The following MID1 variants were observed in gnomAD, a reference collection of about 807,000 sequenced individuals.
MID1 encodes the protein E3 ubiquitin-protein ligase Midline-1.
A neutral mutation model predicts 40.4 loss-of-function variants in MID1; 7 were observed. That is an observed-to-expected ratio of 0.17 (90% CI 0.10 to 0.33). The LOEUF is 0.33. Ranked by LOEUF, MID1 falls within the 10% of genes least tolerant of loss-of-function variation. The pLI, the probability that MID1 is intolerant of heterozygous loss-of-function variation, is 1.00. For missense variants in MID1, 367 were observed against 558.5 expected, an observed-to-expected ratio of 0.66 and a Z score of 3.46; for synonymous variants, 229 against 221.2, an observed-to-expected ratio of 1.04 and a Z score of -0.31.
At chrX:10,659,303 A>G (rs1343172522) in intron 1 of MID1, among the ~76,000 whole-genome samples, 4 of 111,805 alleles carry the variant, frequency 3.6e-5, no homozygotes, top group Non-Finnish European at 7.5e-5. Flanking sequence ...AGTCAGGTGC[A>G]CAGATTCAGA....
intron 3 of MID1, among the ~76,000 whole-genome samples, chrX:10,499,213 T>C (rs903888710): frequency 8.9e-6 from 1 of 112,165 alleles, no homozygotes; most frequent in African/African-American, 3.2e-5. Context: ...TGACCATCTT[T>C]TTCGTGAACT....
At chrX:10,692,653 T>G (rs1394499701) in intron 1 of MID1, among the ~76,000 whole-genome samples, 2 of 111,837 alleles carry the variant, frequency 1.8e-5, no homozygotes, top group Non-Finnish European at 3.8e-5. Context: ...CTTTACATTC[T>G]TTTTTTGTAG....
intron 5 of MID1, among the ~76,000 whole-genome samples, chrX:10,480,473 G>A (rs1357340745): frequency 8.9e-6 from 1 of 112,297 alleles, no homozygotes; most frequent in Admixed American, 9.4e-5. Context: ...CATTTCATCT[G>A]GACATCTCAA....
upstream of MID1, among the ~76,000 whole-genome samples, chrX:10,622,984 C>T (rs1366213866): frequency 9.3e-6 from 1 of 107,907 alleles, no homozygotes; most frequent in African/African-American, 3.4e-5. Context: ...TGGCTCACAC[C>T]TGTAATCCTA....
chrX:10,762,688 G>A (rs746976902), intron 1 of MID1, among the ~76,000 whole-genome samples: 7 of 111,161 alleles, frequency 6.3e-5, no homozygotes, highest in African/African-American at 2.3e-4. Context: ...GCCCGCCTTG[G>A]CCTCCCAAAG....
At chrX:10,774,484 C>T (rs968877018) in intron 1 of MID1, among the ~76,000 whole-genome samples, 3 of 110,066 alleles carry the variant, frequency 2.7e-5, no homozygotes, top group Middle Eastern at 4.7e-3. Context: ...TAACCCTATG[C>T]TTGACAGATA....
At chrX:10,518,238 T>A (rs1465755280) in intron 3 of MID1, among the ~76,000 whole-genome samples, 1 of 111,976 alleles carries the variant, frequency 8.9e-6, no homozygotes, top group Non-Finnish European at 1.9e-5. Flanking sequence ...CACGAGAGCA[T>A]ATTCCATGAA....
intron 1 of MID1, among the ~76,000 whole-genome samples, chrX:10,780,102 A>T (rs1020067310): frequency 9.1e-6 from 1 of 110,082 alleles, no homozygotes; most frequent in Non-Finnish European, 1.9e-5. Context: ...AGTAGCTGAG[A>T]CTACAGGTGC....
At chrX:10,705,433 T>C (rs1395077353) in intron 1 of MID1, among the ~76,000 whole-genome samples, 1 of 112,127 alleles carries the variant, frequency 8.9e-6, no homozygotes, top group Non-Finnish European at 1.9e-5. Flanking sequence ...GGTTGCTTGA[T>C]ATCTCTAAAA....
At chrX:10,680,149 T>A (rs1027016305) in intron 1 of MID1, among the ~76,000 whole-genome samples, 2 of 112,320 alleles carry the variant, frequency 1.8e-5, no homozygotes, top group Non-Finnish European at 3.8e-5. Flanking sequence ...TATCTGCTCA[T>A]CTGACAACAC....
rs1233692170 is a variant in MID1, at chrX:10,704,739, T to TATATATATATATAC, written c.-186-84321_-186-84320insGTATATATATATAT. Among the ~76,000 whole-genome samples, 391 of 82,159 alleles carry TATATATATATATAC rather than the reference T, an allele frequency of 4.8e-3. 3 individuals are homozygous for TATATATATATATAC. The highest frequency in any genetic ancestry group is 0.019 in the African/African-American group (365 of 18,893). 71.3% of individuals were successfully genotyped at this position (82,159 alleles called of 115,157 possible). A position where few individuals can be genotyped will look rare whatever the true frequency, so the allele number is the denominator to read the frequency against. ...GTGTATATATATATATATATATATA[T>TATATATATATATAC]ACACACACACACACACACACACACA... On this transcript the variant is annotated intron_variant, in intron 1 of 10. Transcript: ENST00000380785.
intron 1 of MID1, among the ~76,000 whole-genome samples, chrX:10,734,763 A>T (rs1194879503): frequency 8.9e-6 from 1 of 111,819 alleles, no homozygotes; most frequent in Non-Finnish European, 1.9e-5. Flanking sequence ...GGACACAAAG[A>T]AAGTTTTCTG....
intron 1 of MID1, among the ~76,000 whole-genome samples, chrX:10,827,301 T>C (rs958436869): frequency 3.6e-5 from 4 of 111,273 alleles, no homozygotes; most frequent in Admixed American, 1.9e-4. Context: ...TGAACTCTCT[T>C]GATCATAGTA....
chrX:10,701,944 G>A (rs2043196350), intron 1 of MID1, among the ~76,000 whole-genome samples: 1 of 112,593 alleles, frequency 8.9e-6, no homozygotes, highest in African/African-American at 3.2e-5. Context: ...GAAATATTCT[G>A]CCAGAAGTAC....
At chrX:10,496,022 T>C (rs1931230799) in intron 3 of MID1, among the ~76,000 whole-genome samples, 1 of 112,036 alleles carries the variant, frequency 8.9e-6, no homozygotes, top group Admixed American at 9.5e-5. Flanking sequence ...CCTACTTTTA[T>C]ATTTTTAAAA....
At chrX:10,742,777 G>A (rs2043532308) in intron 1 of MID1, among the ~76,000 whole-genome samples, 1 of 111,969 alleles carries the variant, frequency 8.9e-6, no homozygotes, top group Non-Finnish European at 1.9e-5. Context: ...GTTGATTTTG[G>A]CAGTCTCCAT....
intron 1 of MID1, among the ~76,000 whole-genome samples, chrX:10,593,399 C>T (rs1935348019): frequency 1.8e-5 from 2 of 111,749 alleles, no homozygotes; most frequent in Admixed American, 1.9e-4. Flanking sequence ...TGTCCTCCTT[C>T]CATGGTGCAG....
At chrX:10,538,480 T>C (rs915270662) in intron 2 of MID1, among the ~76,000 whole-genome samples, 2 of 111,281 alleles carry the variant, frequency 1.8e-5, no homozygotes, top group African/African-American at 3.3e-5. Context: ...GCCGTCAACG[T>C]AATCTTTCCA....
intron 3 of MID1, among the ~76,000 whole-genome samples, chrX:10,499,919 T>G (rs146509596): frequency 0.014 from 1,614 of 112,469 alleles, 21 homozygotes; most frequent in South Asian, 0.029. Context: ...TATCTCCATT[T>G]ATGAGTTTTC....
Sources: gnomAD v4.1 joint callset for allele counts (sites outside exome capture counted in the v4.1 genomes callset) on GRCh38, gnomAD v4.1.1 for gene constraint, MANE v1.5 for transcripts, NCBI Gene and HGNC (gene_info 2026-07-23, HGNC 2026-07-21) for gene names.